LDB2: variants seen among roughly 807,000 people sequenced by gnomAD.
The protein encoded by LDB2 is LIM domain-binding protein 2.
A neutral mutation model predicts 44.3 loss-of-function variants in LDB2; 12 were observed. The observed-to-expected ratio is 0.27, with a 90% CI of 0.17 to 0.44. The LOEUF (loss-of-function observed/expected upper bound fraction) is 0.44, where lower values mean the gene tolerates loss of function less well. LDB2 is among the 20% of genes least tolerant of loss of function. The pLI is 1.00. For synonymous variants in LDB2, 164 were observed against 174.8 expected, an observed-to-expected ratio of 0.94 and a Z score of 0.49; for missense variants, 344 against 473.5, an observed-to-expected ratio of 0.73 and a Z score of 2.54.
At chr4:16,874,962 G>T (rs527582167) in intron 1 of LDB2, among the ~76,000 whole-genome samples, 36 of 152,158 alleles carry the variant, frequency 2.4e-4, no homozygotes, top group African/African-American at 7.9e-4. Flanking sequence ...TATTTGAAAA[G>T]AAAAGGGGAC....
At chr4:16,887,918 T>TA (rs970603914) in intron 1 of LDB2, among the ~76,000 whole-genome samples, 82 of 147,096 alleles carry the variant, frequency 5.6e-4, no homozygotes, top group East Asian at 1.2e-3. Context: ...CTTGCATCTG[T>TA]AAAAAAAAAA....
intron 1 of LDB2, among the ~76,000 whole-genome samples, chr4:16,897,916 A>ATATATATATATATATACACATATGTG (rs1725647401): frequency 6.0e-5 from 1 of 16,538 alleles, no homozygotes; most frequent in Non-Finnish European, 9.4e-5. Context: ...ATATATATAT[A>ATATATATATATATATACACATATGTG]TATATATATA....
At chr4:16,663,867 TGTCTTTTAAGATTGCACAATTTCCTCTA>T (rs1742288749) in intron 2 of LDB2, among the ~76,000 whole-genome samples, 1 of 152,188 alleles carries the variant, frequency 6.6e-6, no homozygotes, top group Non-Finnish European at 1.5e-5. Context: ...GAGTAGAATC[TGTCTTTTAAGATTGCACAATTTCCTCTA>T]GTGACAGCTA....
chr4:16,800,713 C>A (rs773957031), intron 1 of LDB2, among the ~76,000 whole-genome samples: 25 of 152,198 alleles, frequency 1.6e-4, no homozygotes, highest in Non-Finnish European at 2.6e-4. Flanking sequence ...CTCGCTCTGT[C>A]GCCCAGGCTG....
intron 1 of LDB2, among the ~76,000 whole-genome samples, chr4:16,781,121 G>C (rs755158303): frequency 5.3e-5 from 8 of 152,152 alleles, no homozygotes; most frequent in African/African-American, 7.2e-5. Flanking sequence ...TTACTAAGAA[G>C]AGCTAAGACT....
At chr4:16,740,490 T>A (rs1763016395) in intron 2 of LDB2, among the ~76,000 whole-genome samples, 1 of 152,222 alleles carries the variant, frequency 6.6e-6, no homozygotes, top group African/African-American at 2.4e-5. Flanking sequence ...GAGCTGTTCT[T>A]TTGATTGTCC....
At chr4:16,672,855 T>C (rs376357626) in intron 2 of LDB2, among the ~76,000 whole-genome samples, 5 of 81,274 alleles carry the variant, frequency 6.2e-5, no homozygotes, top group African/African-American at 2.0e-4. Flanking sequence ...TTCCTTCCTT[T>C]CCTCCCTCCC....
In LDB2 at chr4:16,834,632, G is replaced by A. The variant is rs111361400; in HGVS notation, c.132+63722C>T. ...TCACGAGTTCAGGAGTTCGAGACCA[G>A]CCTGGCCAACATGCTGAAACCCTGT... On this transcript the variant is annotated intron_variant, in intron 1 of 7. Transcript: ENST00000304523. Among the ~76,000 whole-genome samples the A allele has an allele frequency of 2.4e-4, 36 of 152,248 alleles. 1 individual carries two copies. Among genetic ancestry groups the A allele is most frequent in the African/African-American group, 7.7e-4 (32 of 41,542 alleles).
intron 1 of LDB2, among the ~76,000 whole-genome samples, chr4:16,855,346 TGAA>T (rs1789145042): frequency 6.6e-6 from 1 of 152,118 alleles, no homozygotes; most frequent in African/African-American, 2.4e-5. Flanking sequence ...AATTCCCTGA[TGAA>T]GAAGTACAAA....
chr4:16,524,578 G>A (rs145713360), intron 5 of LDB2, among the ~76,000 whole-genome samples: 1 of 152,266 alleles, frequency 6.6e-6, no homozygotes, highest in East Asian at 1.9e-4. Flanking sequence ...AGGCAGGCAG[G>A]GATCCGGTTA....
At chr4:16,818,064 A>C (rs1781269240) in intron 1 of LDB2, among the ~76,000 whole-genome samples, 1 of 152,118 alleles carries the variant, frequency 6.6e-6, no homozygotes, top group Non-Finnish European at 1.5e-5. Flanking sequence ...GCTCAGCCTG[A>C]TGGGAGGAGG....
At chr4:16,852,216 C>T (rs898866716) in intron 1 of LDB2, among the ~76,000 whole-genome samples, 6 of 152,178 alleles carry the variant, frequency 3.9e-5, no homozygotes, top group African/African-American at 9.7e-5. Context: ...GTCCTAGATA[C>T]ATTTTAGTCT....
At chr4:16,771,867 G>A (rs1053536658) in intron 1 of LDB2, among the ~76,000 whole-genome samples, 3 of 152,162 alleles carry the variant, frequency 2.0e-5, no homozygotes, top group African/African-American at 7.2e-5. Flanking sequence ...AAAGAAGCCT[G>A]GAGGATCTTT....
chr4:16,675,699 GT>G (rs1746102683), intron 2 of LDB2, among the ~76,000 whole-genome samples: 1 of 151,988 alleles, frequency 6.6e-6, no homozygotes, highest in Admixed American at 6.6e-5. Context: ...CACTATCTAT[GT>G]CTTAATATAT....
chr4:16,585,024 G>A (rs1212772800), intron 5 of LDB2, among the ~76,000 whole-genome samples: 2 of 152,144 alleles, frequency 1.3e-5, no homozygotes, highest in Non-Finnish European at 2.9e-5. Context: ...TGTTTTAAGC[G>A]AAAACTCTCC....
chr4:16,630,734 T>A (rs1004713057), intron 2 of LDB2, among the ~76,000 whole-genome samples: 1 of 152,020 alleles, frequency 6.6e-6, no homozygotes, highest in African/African-American at 2.4e-5. Context: ...AGTAAAGGGA[T>A]GGAGGAAGAT....
At chr4:16,763,439 T>TACACACGTACACACAC (rs1768422597) in intron 1 of LDB2, among the ~76,000 whole-genome samples, 1 of 141,092 alleles carries the variant, frequency 7.1e-6, no homozygotes, top group Non-Finnish European at 1.5e-5. Flanking sequence ...TGTAAACACG[T>TACACACGTACACACAC]ACACACACAC....
intron 1 of LDB2, among the ~76,000 whole-genome samples, chr4:16,762,598 G>A (rs1232514510): frequency 6.6e-6 from 1 of 152,086 alleles, no homozygotes; most frequent in African/African-American, 2.4e-5. Flanking sequence ...GCACTATCAC[G>A]AGAACAAGAT....
intron 1 of LDB2, among the ~76,000 whole-genome samples, chr4:16,797,059 G>A (rs182039249): frequency 3.3e-5 from 5 of 152,306 alleles, no homozygotes; most frequent in African/African-American, 1.2e-4. Context: ...AAAGTGTGGA[G>A]TTTAGCTAAT....
Sources: gnomAD v4.1 joint callset for allele counts (sites outside exome capture counted in the v4.1 genomes callset) on GRCh38, gnomAD v4.1.1 for gene constraint, MANE v1.5 for transcripts, NCBI Gene and HGNC (gene_info 2026-07-23, HGNC 2026-07-21) for gene names.